Variants in ZNF362 observed in about 807,000 individuals in gnomAD.
ZNF362 encodes zinc finger protein 362, also known as rotund homolog.
In ZNF362, 11 loss-of-function variants were observed where a neutral mutation model predicts 42.9. That is an observed-to-expected ratio of 0.26 (90% confidence interval 0.16 to 0.42). The LOEUF is 0.42. Ranked by LOEUF, ZNF362 falls within the 20% of genes least tolerant of loss-of-function variation. The probability of loss-of-function intolerance (pLI) is 1.00; values close to 1 mark genes in which losing one functional copy is unlikely to be tolerated. For synonymous variants in ZNF362, 255 were observed against 257.3 expected (o/e 0.99, Z 0.09); for missense variants, 362 against 576.2 (o/e 0.63, Z 3.81).
chr1:33,159,956 A>G, the ZNF362 span: 11 of 1,598,634 alleles, frequency 6.9e-6, no homozygotes, highest in Non-Finnish European at 9.3e-6. The surrounding 1 kb of genome is among the most constrained non-coding windows in gnomAD (Gnocchi z 4.2). Context: ...TGTGGGGGAC[A>G]GTCGTCAGGG....
At chr1:33,225,273 C>A in the ZNF362 span, among the ~76,000 whole-genome samples, 1 of 152,134 alleles carries the variant, frequency 6.6e-6, no homozygotes, top group South Asian at 2.1e-4. Context: ...TGGTAACACA[C>A]TTATTCCACC....
chr1:33,220,646 C>T, the ZNF362 span, among the ~76,000 whole-genome samples: 2 of 152,128 alleles, frequency 1.3e-5, no homozygotes, highest in Non-Finnish European at 2.9e-5. Flanking sequence ...CTTGCAGCAT[C>T]GCAGGCCTGG....
the ZNF362 span, among the ~76,000 whole-genome samples, chr1:33,238,895 C>G: frequency 3.3e-5 from 5 of 152,174 alleles, no homozygotes; most frequent in Non-Finnish European, 7.3e-5. Context: ...AGAACCGGAC[C>G]ATGCAGGTGC....
At chr1:33,130,199 G>A in the ZNF362 span, among the ~76,000 whole-genome samples, 6 of 152,346 alleles carry the variant, frequency 3.9e-5, no homozygotes, top group South Asian at 8.3e-4. Flanking sequence ...AGGCAAGGAA[G>A]AGGATGCGGT....
In ZNF362 at chr1:33,281,509, C is replaced by A; in HGVS notation, c.684-78C>A. 7.1e-7 allele frequency: 1 copy of A among 1,411,360 alleles called. No homozygotes were observed. Among genetic ancestry groups the A allele is most frequent in the Non-Finnish European group, 9.9e-7 (1 of 1,006,698 alleles). The allele number at this position is 1,411,360 out of a possible 1,614,324, so 87.4% of individuals were successfully genotyped here. A position where few individuals can be genotyped will look rare whatever the true frequency, so the allele number is the denominator to read the frequency against. ...GAAAGACCTGTCCCAGGTGCAAGGT[C>A]TCTCTGATGTAGAAGGCCTCCCCTG... On this transcript the variant is annotated intron_variant, in intron 5 of 8. Coordinates refer to ENST00000539719, the MANE Select transcript of ZNF362 (RefSeq NM_152493.3). The surrounding 1 kb of genome is among the most constrained non-coding windows in gnomAD (Gnocchi z 4.8).
In ZNF362 at chr1:33,295,820, C is replaced by T. The variant is rs141365050; in HGVS notation, c.1146+515C>T. Among the ~76,000 whole-genome samples the T allele has an allele frequency of 1.9e-3, 282 of 152,268 alleles. 1 individual carries two copies. Among genetic ancestry groups the T allele is most frequent in the East Asian group, 5.8e-4 (3 of 5,154 alleles). ...AAATACCATTCACCCCCAGGCGAAT[C>T]GCTTGAGTGTGTGCTTCTGTTTGAT... On this transcript the variant is annotated intron_variant, in intron 8 of 8. Transcript: ENST00000539719.
At chr1:33,189,722 T>TATATATATATACAC in the ZNF362 span, among the ~76,000 whole-genome samples, 2 of 102,962 alleles carry the variant, frequency 1.9e-5, no homozygotes, top group African/African-American at 7.9e-5. Flanking sequence ...TATATATACA[T>TATATATATATACAC]ACACACATAC....
chr1:33,185,725 A>G, the ZNF362 span, among the ~76,000 whole-genome samples: 1 of 152,188 alleles, frequency 6.6e-6, no homozygotes, highest in African/African-American at 2.4e-5. Flanking sequence ...ACTGCAGTGT[A>G]TGCCATCTGC....
At chr1:33,203,001 A>T in the ZNF362 span, among the ~76,000 whole-genome samples, 1 of 152,168 alleles carries the variant, frequency 6.6e-6, no homozygotes, top group East Asian at 1.9e-4. Context: ...AATACCACCT[A>T]AAATCCATTC....
chr1:33,174,989 G>GCA, the ZNF362 span, among the ~76,000 whole-genome samples: 1 of 79,940 alleles, frequency 1.3e-5, no homozygotes, highest in South Asian at 3.8e-4. Context: ...ACATATATAT[G>GCA]CACACACACA....
At chr1:33,213,714 A>G in the ZNF362 span, among the ~76,000 whole-genome samples, 2 of 151,984 alleles carry the variant, frequency 1.3e-5, no homozygotes, top group African/African-American at 4.8e-5. Context: ...GCGTGGTGGC[A>G]TGTGCCTGTA....
intron 1 of ZNF362, among the ~76,000 whole-genome samples, chr1:33,263,992 T>C (rs2148067998): frequency 6.6e-6 from 1 of 152,318 alleles, no homozygotes; most frequent in East Asian, 1.9e-4. Context: ...GCCTTCCCTT[T>C]GCTGCTGTGG....
the ZNF362 span, among the ~76,000 whole-genome samples, chr1:33,211,121 G>C: frequency 6.6e-6 from 1 of 152,032 alleles, no homozygotes; most frequent in African/African-American, 2.4e-5. Context: ...TTTTAGTAGA[G>C]ATGGGGTTTC....
chr1:33,230,416 T>G, the ZNF362 span, among the ~76,000 whole-genome samples: 1 of 152,174 alleles, frequency 6.6e-6, no homozygotes, highest in African/African-American at 2.4e-5. Flanking sequence ...CTAAAGAGGC[T>G]ACAGTCGTTT....
intron 8 of ZNF362, among the ~76,000 whole-genome samples, chr1:33,296,341 G>A (rs867417704): frequency 3.9e-5 from 6 of 152,062 alleles, no homozygotes; most frequent in Non-Finnish European, 7.4e-5. Flanking sequence ...GAGCTGCAGG[G>A]CCATGCCGTC....
chr1:33,157,445 C>T, the ZNF362 span, among the ~76,000 whole-genome samples: 1 of 151,928 alleles, frequency 6.6e-6, no homozygotes. Context: ...GTTCCTGGAC[C>T]ACCTGTCTAA....
chr1:33,207,822 GT>G, the ZNF362 span, among the ~76,000 whole-genome samples: 1 of 152,052 alleles, frequency 6.6e-6, no homozygotes, highest in African/African-American at 2.4e-5. Context: ...ATTTGTTTAA[GT>G]TCTTTGTAGA....
chr1:33,271,329 A>C (rs1452557919), intron 2 of ZNF362, among the ~76,000 whole-genome samples: 1 of 152,070 alleles, frequency 6.6e-6, no homozygotes, highest in Non-Finnish European at 1.5e-5. Context: ...TTCTGCTGGG[A>C]ATGCTCCCAC....
chr1:33,201,066 AT>A, the ZNF362 span, among the ~76,000 whole-genome samples: 7 of 150,612 alleles, frequency 4.6e-5, no homozygotes, highest in South Asian at 2.1e-4. Flanking sequence ...TGAGGAAATA[AT>A]TTTTTTTTTG....
Sources: allele counts gnomAD v4.1 joint callset (sites outside exome capture counted in the v4.1 genomes callset), GRCh38; gene constraint gnomAD v4.1.1; non-coding constraint Gnocchi (gnomAD v3.1); transcripts MANE v1.5; gene names NCBI Gene and HGNC (gene_info 2026-07-23, HGNC 2026-07-21).